CSMD1: variants seen among roughly 807,000 people sequenced by gnomAD.
CSMD1 encodes the protein CUB and sushi domain-containing protein 1.
Under a neutral mutation model 417.5 loss-of-function variants are expected in CSMD1, and 213 were observed. The ratio of observed to expected loss-of-function variants is 0.51; its 90% confidence interval spans 0.46 to 0.57. The LOEUF is 0.57. Among genes scored for constraint, CSMD1 ranks in the 20% least tolerant of loss-of-function variants. The probability of loss-of-function intolerance (pLI) is 0.00; values close to 1 mark genes in which losing one functional copy is unlikely to be tolerated. For synonymous variants in CSMD1, 2,862 were observed against 1,736.8 expected, an observed-to-expected ratio of 1.65 and a Z score of -16.11; for missense variants, 6,923 against 4,529.7, an observed-to-expected ratio of 1.53 and a Z score of -15.17.
chr8:4,026,429 C>G (rs778709386), intron 4 of CSMD1, among the ~76,000 whole-genome samples: 3 of 152,168 alleles, frequency 2.0e-5, no homozygotes, highest in Non-Finnish European at 2.9e-5. Flanking sequence ...AGACACTTAG[C>G]TGACTGTTAT....
At chr8:4,451,368 C>G (rs1002890300) in intron 2 of CSMD1, among the ~76,000 whole-genome samples, 7 of 152,156 alleles carry the variant, frequency 4.6e-5, no homozygotes, top group African/African-American at 1.7e-4. Context: ...AAGGCAATCA[C>G]AAGTGTTTAT....
chr8:4,686,559 G>A (rs938100276), intron 1 of CSMD1, among the ~76,000 whole-genome samples: 1 of 152,222 alleles, frequency 6.6e-6, no homozygotes, highest in African/African-American at 2.4e-5. Context: ...CATCCCTGCT[G>A]ATTTATAAGC....
At chr8:4,198,865 A>G (rs1040083637) in intron 3 of CSMD1, among the ~76,000 whole-genome samples, 1 of 152,056 alleles carries the variant, frequency 6.6e-6, no homozygotes, top group African/African-American at 2.4e-5. Context: ...AATATCACGT[A>G]TTTCCCCTTC....
chr8:4,177,140 C>A (rs1246918438), intron 3 of CSMD1, among the ~76,000 whole-genome samples: 2 of 152,136 alleles, frequency 1.3e-5, no homozygotes, highest in Non-Finnish European at 2.9e-5. Context: ...TTTTTCAGCA[C>A]CACACCACAC....
At chr8:4,194,333 A>G (rs1799207977) in intron 3 of CSMD1, among the ~76,000 whole-genome samples, 1 of 152,190 alleles carries the variant, frequency 6.6e-6, no homozygotes, top group Non-Finnish European at 1.5e-5. Flanking sequence ...TAGAAGCTTC[A>G]GGAGAAAACC....
intron 4 of CSMD1, among the ~76,000 whole-genome samples, chr8:4,006,477 G>C (rs143042834): frequency 0.028 from 4,278 of 152,284 alleles, 88 homozygotes; most frequent in Non-Finnish European, 0.041. Context: ...TTGGGAGGCA[G>C]AGGTTGCAGT....
chr8:3,074,269 G>T (rs535539204), intron 49 of CSMD1, among the ~76,000 whole-genome samples: 1 of 152,138 alleles, frequency 6.6e-6, no homozygotes, highest in East Asian at 1.9e-4. Context: ...TCTCTGACCA[G>T]TAAGAACTCT....
intron 25 of CSMD1, among the ~76,000 whole-genome samples, chr8:3,288,889 A>G (rs1253062232): frequency 1.4e-5 from 2 of 146,710 alleles, no homozygotes; most frequent in Non-Finnish European, 2.9e-5. Context: ...GGTTTGTTGC[A>G]TATGTATACA....
intron 10 of CSMD1, among the ~76,000 whole-genome samples, chr8:3,526,637 C>A (rs140959647): frequency 6.6e-6 from 1 of 152,150 alleles, no homozygotes. Flanking sequence ...TCCAAGGTAC[C>A]TTCCCGATCG....
At chr8:4,551,899 G>A (rs1303150273) in intron 2 of CSMD1, among the ~76,000 whole-genome samples, 3 of 149,816 alleles carry the variant, frequency 2.0e-5, no homozygotes, top group Non-Finnish European at 4.4e-5. Flanking sequence ...TGTTGCTCAG[G>A]CAGACTCAAA....
Position 4,101,065 on chromosome 8 carries a change from C to T in CSMD1, c.416-68966G>A, listed in dbSNP as rs565652523. On this transcript the variant is annotated intron_variant, in intron 3 of 69. Transcript: ENST00000635120. ...ATGCAAAGGCAGATGATGCCAGAGA[C>T]GAGACGGCGCTGGGTTCAGAACTAT... 1.3e-3 allele frequency among the ~76,000 whole-genome samples: 197 copies of T among 152,226 alleles called. 1 individual carries two copies. Among genetic ancestry groups the T allele is most frequent in the Non-Finnish European group, 2.1e-3 (144 of 68,022 alleles).
At chr8:4,659,072 C>A (rs1205348481) in intron 1 of CSMD1, among the ~76,000 whole-genome samples, 1 of 151,940 alleles carries the variant, frequency 6.6e-6, no homozygotes, top group Admixed American at 6.6e-5. Context: ...AACCAGAGAA[C>A]TTCACAAATA....
At chr8:4,238,505 G>C (rs1020261227) in intron 3 of CSMD1, among the ~76,000 whole-genome samples, 5 of 152,186 alleles carry the variant, frequency 3.3e-5, no homozygotes, top group African/African-American at 7.2e-5. Flanking sequence ...GAGGTGACTA[G>C]AGGCACAGGC....
chr8:3,130,611 G>A (rs775764303), intron 41 of CSMD1, among the ~76,000 whole-genome samples: 9 of 151,904 alleles, frequency 5.9e-5, no homozygotes, highest in Admixed American at 1.3e-4. Context: ...CGCTCCCAGT[G>A]CACCAGCCTT....
At chr8:4,431,458 G>A (rs1241895460) in intron 2 of CSMD1, among the ~76,000 whole-genome samples, 2 of 152,100 alleles carry the variant, frequency 1.3e-5, no homozygotes, top group African/African-American at 2.4e-5. Flanking sequence ...ACAGTCAGGA[G>A]AGGAGGGCAG....
At chr8:4,489,773 A>T (rs1343185315) in intron 2 of CSMD1, among the ~76,000 whole-genome samples, 1 of 152,142 alleles carries the variant, frequency 6.6e-6, no homozygotes, top group African/African-American at 2.4e-5. Flanking sequence ...TTGCCATGAA[A>T]AGCAGATCCT....
At chr8:4,624,236 G>C (rs985222849) in intron 2 of CSMD1, among the ~76,000 whole-genome samples, 3 of 152,222 alleles carry the variant, frequency 2.0e-5, no homozygotes. Flanking sequence ...TAACGTGCAA[G>C]TACACTTCCG....
chr8:3,118,259 GGAGT>G, intron 42 of CSMD1, 136 bp downstream of exon 42: 2 of 642,878 alleles, frequency 3.1e-6, no homozygotes, highest in South Asian at 2.1e-5. Flanking sequence ...AATACTAAGT[GGAGT>G]GAGTAAAACA....
intron 2 of CSMD1, among the ~76,000 whole-genome samples, chr8:4,468,781 G>T (rs1405044120): frequency 6.6e-6 from 1 of 152,126 alleles, no homozygotes; most frequent in Admixed American, 6.5e-5. Flanking sequence ...CATGTCCTGT[G>T]TTTTTCATAT....
Sources: allele counts gnomAD v4.1 joint callset (sites outside exome capture counted in the v4.1 genomes callset), GRCh38; gene constraint gnomAD v4.1.1; transcripts MANE v1.5; gene names NCBI Gene and HGNC (gene_info 2026-07-23, HGNC 2026-07-21).